Variants in PDE4D observed in about 807,000 individuals in gnomAD.
The protein encoded by PDE4D is phosphodiesterase 4D.
PDE4D carries 24 observed loss-of-function variants against 87.4 expected under a neutral mutation model. The observed-to-expected ratio is 0.27, with a 90% CI of 0.20 to 0.39. PDE4D has a LOEUF of 0.39. PDE4D is among the 10% of genes least tolerant of loss of function. The pLI is 1.00. For missense variants in PDE4D, 714 were observed against 1,041.0 expected, an observed-to-expected ratio of 0.69 and a Z score of 4.32; for synonymous variants, 384 against 383.2, an observed-to-expected ratio of 1.00 and a Z score of -0.02.
At chr5:60,325,688 T>G (rs1318629108) in intron 1 of PDE4D, among the ~76,000 whole-genome samples, 1 of 152,138 alleles carries the variant, frequency 6.6e-6, no homozygotes, top group Non-Finnish European at 1.5e-5. Flanking sequence ...TTTACCCAGT[T>G]TTCCCCCATG....
At chr5:60,430,211 G>A (rs190909202) in intron 1 of PDE4D, 10 of 520,758 alleles carry the variant, frequency 1.9e-5, no homozygotes, top group African/African-American at 7.7e-5. Flanking sequence ...GGATATTCTC[G>A]GGTCACCATC....
At chr5:59,245,785 C>A (rs929666884) in intron 1 of PDE4D, among the ~76,000 whole-genome samples, 2 of 151,994 alleles carry the variant, frequency 1.3e-5, no homozygotes, top group African/African-American at 4.8e-5. Flanking sequence ...CAATATTATA[C>A]CATGCAGGGC....
intron 1 of PDE4D, among the ~76,000 whole-genome samples, chr5:59,573,991 C>A (rs1822328800): frequency 1.6e-5 from 1 of 62,868 alleles, no homozygotes; most frequent in Non-Finnish European, 3.0e-5. Flanking sequence ...AAGGGAGACT[C>A]TGTCTCAAAA....
chr5:59,030,170 C>G (rs1002051969), intron 6 of PDE4D, among the ~76,000 whole-genome samples: 1 of 151,902 alleles, frequency 6.6e-6, no homozygotes, highest in African/African-American at 2.4e-5. Flanking sequence ...GCAACTAAAA[C>G]AAAAATAGAC....
At chr5:59,490,015 C>T (rs1211434865) in intron 1 of PDE4D, among the ~76,000 whole-genome samples, 1 of 152,134 alleles carries the variant, frequency 6.6e-6, no homozygotes, top group African/African-American at 2.4e-5. Context: ...GCCTTAATAA[C>T]AACATTTTAA....
At position 59,532,127 on chromosome 5, in the gene PDE4D, C is replaced by T. The variant is rs1814343178; in HGVS notation, c.456-316159G>A. On this transcript the variant is annotated intron_variant, in intron 1 of 14. Transcript: ENST00000340635. Reference sequence around the variant, plus strand: ...GAAGTGCAGGCGCTAGACATAGACCCTTACTAGATTTTTTTGTTTTGATTT... The same window carrying T: ...GAAGTGCAGGCGCTAGACATAGACCTTTACTAGATTTTTTTGTTTTGATTT... Among the ~76,000 whole-genome samples, 2 of 152,008 alleles carry T rather than the reference C, an allele frequency of 1.3e-5. 1 individual carries two copies. The highest frequency in any genetic ancestry group is 4.2e-4 in the South Asian group (2 of 4,812).
At chr5:59,471,841 A>G (rs952547914) in intron 1 of PDE4D, among the ~76,000 whole-genome samples, 4 of 152,182 alleles carry the variant, frequency 2.6e-5, no homozygotes, top group Non-Finnish European at 5.9e-5. Flanking sequence ...ACAGCCCAAG[A>G]CCAACAGTTA....
intron 2 of PDE4D, 44 bp from the exon 3 acceptor site, chr5:59,193,580 C>T: frequency 1.2e-6 from 2 of 1,608,414 alleles, no homozygotes; most frequent in African/African-American, 2.7e-5. Context: ...ATCAATAACT[C>T]TGTGCTCAGT....
chr5:59,008,155 A>G (rs1752018006), intron 6 of PDE4D, among the ~76,000 whole-genome samples: 1 of 152,074 alleles, frequency 6.6e-6, no homozygotes, highest in Non-Finnish European at 1.5e-5. Context: ...ATGACAATAA[A>G]TGGGTGCAAA....
At chr5:59,315,621 A>T (rs1292779815) in intron 1 of PDE4D, among the ~76,000 whole-genome samples, 4 of 152,084 alleles carry the variant, frequency 2.6e-5, no homozygotes, top group African/African-American at 9.7e-5. Flanking sequence ...AGGGAGGGGG[A>T]AATTTCCTAA....
At chr5:59,531,231 C>T (rs1814166537) in intron 1 of PDE4D, among the ~76,000 whole-genome samples, 1 of 152,144 alleles carries the variant, frequency 6.6e-6, no homozygotes, top group South Asian at 2.1e-4. Context: ...GTCCTAGTCT[C>T]AGCTTTTAGC....
chr5:60,385,152 A>T (rs1762113744), intron 1 of PDE4D, among the ~76,000 whole-genome samples: 1 of 152,184 alleles, frequency 6.6e-6, no homozygotes, highest in Admixed American at 6.5e-5. Context: ...ATTCCACCAG[A>T]AGTAGAGCCT....
intron 1 of PDE4D, among the ~76,000 whole-genome samples, chr5:59,822,231 G>A (rs979423888): frequency 6.6e-6 from 1 of 152,152 alleles, no homozygotes; most frequent in Non-Finnish European, 1.5e-5. Context: ...CAAAGAATTA[G>A]AGATAGGGAA....
At chr5:60,060,401 A>C (rs1028293894) in intron 2 of PDE4D, among the ~76,000 whole-genome samples, 2 of 152,072 alleles carry the variant, frequency 1.3e-5, no homozygotes, top group South Asian at 4.1e-4. Flanking sequence ...AGACTAAAGC[A>C]ACTCCATCTT....
In PDE4D at chr5:60,388,403, A is replaced by T. The variant is rs1303065737; in HGVS notation, c.-90+99539T>A. Among the ~76,000 whole-genome samples the T allele has an allele frequency of 2.0e-5, 3 of 146,494 alleles. No individual in the cohort carries two copies. In the East Asian group the frequency reaches 6.0e-4, roughly 29 times the overall value. On this transcript the variant is annotated intron_variant, in intron 1 of 16. Coordinates refer to the PDE4D transcript ENST00000502484. Reference sequence around the variant, plus strand: ...TTTTTTCTTTATTTTTTCTAAAAAAAAAATGGGATAAATATGCAGAACGTG... The same window carrying T: ...TTTTTTCTTTATTTTTTCTAAAAAATAAATGGGATAAATATGCAGAACGTG...
rs571815101 is a variant in PDE4D, at chr5:59,020,630, T to A, written c.921+18229A>T. On this transcript the variant is annotated intron_variant, in intron 6 of 14. Transcript: ENST00000340635. ...CATCTGAATGAAGAAGGTAAACCAG[T>A]TGATCTCACAAATCTCTTTCTAAGG... Among the ~76,000 whole-genome samples, 11 of 152,262 alleles carry A rather than the reference T, an allele frequency of 7.2e-5. No individual in the cohort carries two copies. In the East Asian group the frequency reaches 2.1e-3, roughly 29 times the overall value.
At chr5:59,469,834 T>C (rs920375045) in intron 1 of PDE4D, among the ~76,000 whole-genome samples, 1 of 152,144 alleles carries the variant, frequency 6.6e-6, no homozygotes, top group Admixed American at 6.5e-5. Context: ...CCTGATCTGG[T>C]GCTGGCTGGG....
chr5:59,401,028 T>G (rs1429370287), intron 1 of PDE4D, among the ~76,000 whole-genome samples: 1 of 152,242 alleles, frequency 6.6e-6, no homozygotes, highest in Non-Finnish European at 1.5e-5. Context: ...TGACATGAGA[T>G]AGTGACTCCT....
chr5:59,283,826 T>C (rs534591353), intron 1 of PDE4D, among the ~76,000 whole-genome samples: 2 of 152,326 alleles, frequency 1.3e-5, no homozygotes, highest in Admixed American at 1.3e-4. Flanking sequence ...ATAATTATTA[T>C]TTTATAACAC....
Sources: allele counts gnomAD v4.1 joint callset (sites outside exome capture counted in the v4.1 genomes callset), GRCh38; gene constraint gnomAD v4.1.1; transcripts MANE v1.5; gene names NCBI Gene and HGNC (gene_info 2026-07-23, HGNC 2026-07-21).